Variants in CDS2 observed in about 807,000 individuals in gnomAD.
CDS2 encodes phosphatidate cytidylyltransferase 2.
In CDS2, 47 loss-of-function variants were observed where a neutral mutation model predicts 59.0. The observed-to-expected ratio is 0.80, with a 90% CI of 0.63 to 1.02. CDS2 has a LOEUF of 1.02. Among genes scored for constraint, CDS2 ranks in the 50% least tolerant of loss-of-function variants. CDS2 has a pLI of 0.00. For missense variants in CDS2, 356 were observed against 558.9 expected (o/e 0.64, Z 3.66); for synonymous variants, 207 against 206.4 (o/e 1.00, Z -0.02).
intron 9 of CDS2, 77 bp from the exon 10 acceptor site, chr20:5,186,610 G>A: frequency 1.3e-6 from 2 of 1,529,632 alleles, no homozygotes; most frequent in Non-Finnish European, 1.8e-6. Flanking sequence ...CAGGAACATG[G>A]CCAAACCAGG....
At chr20:5,129,288 A>T (rs115552449) in intron 1 of CDS2, among the ~76,000 whole-genome samples, 2,563 of 151,962 alleles carry the variant, frequency 0.017, 73 homozygotes, top group African/African-American at 0.058. Flanking sequence ...TATTATTATT[A>T]TTTTTTTAGA....
chr20:5,136,309 G>A (rs569387780), intron 1 of CDS2, among the ~76,000 whole-genome samples: 12 of 152,198 alleles, frequency 7.9e-5, no homozygotes, highest in South Asian at 2.1e-4. Flanking sequence ...TTTCTTCTGC[G>A]ATAAAATCCC....
intron 1 of CDS2, among the ~76,000 whole-genome samples, chr20:5,140,153 G>A (rs1207318140): frequency 1.3e-5 from 2 of 152,142 alleles, no homozygotes; most frequent in African/African-American, 4.8e-5. Flanking sequence ...TGTTGATATA[G>A]CATCATTTTT....
chr20:5,132,161 G>A (rs1015998839), intron 1 of CDS2, among the ~76,000 whole-genome samples: 7 of 151,260 alleles, frequency 4.6e-5, no homozygotes, highest in African/African-American at 1.2e-4. Flanking sequence ...GCATTGATGT[G>A]TTCTTGGCTC....
chr20:5,145,946 A>G (rs759040023), intron 1 of CDS2, among the ~76,000 whole-genome samples: 4 of 150,726 alleles, frequency 2.7e-5, no homozygotes, highest in African/African-American at 2.4e-5. Flanking sequence ...ATCTCAGCCT[A>G]TGGAGGATCT....
At chr20:5,134,371 G>A (rs924131898) in intron 1 of CDS2, among the ~76,000 whole-genome samples, 1 of 152,166 alleles carries the variant, frequency 6.6e-6, no homozygotes, top group Non-Finnish European at 1.5e-5. Flanking sequence ...CTGTATTTCT[G>A]AGAGGGGCTG....
In CDS2 at chr20:5,190,223, G is replaced by A. The variant is rs2091103012; in HGVS notation, c.1327G>A (p.Glu443Lys). The change falls in exon 13 of 13, where the codon GAG becomes AAG. Residue 443 changes from glutamate (E) to lysine (K), a missense_variant. This residue lies in a region of CDS2 where 33 missense variants were observed against 27.9 expected (regional missense o/e 1.18). Coordinates refer to ENST00000460006, the MANE Select transcript of CDS2 (RefSeq NM_003818.4). ...IDKGMLTSTT[E>K]DE ...CAAAGGGATGCTGACATCCACCACA[G>A]AGGACGAGTAGGGGCCACCCAGGGC... 9.3e-6 allele frequency: 15 copies of A among 1,613,916 alleles called. No individual in the cohort carries two copies. The highest frequency in any genetic ancestry group is 1.7e-4 in the Middle Eastern group (1 of 6,060).
chr20:5,178,727 C>A, intron 4 of CDS2, 90 bp from the exon 5 acceptor site: 1 of 1,382,160 alleles, frequency 7.2e-7, no homozygotes, highest in Non-Finnish European at 1.0e-6. Flanking sequence ...GGGTATTCTG[C>A]TGCCCTCTGT....
chr20:5,175,786 A>AAAAC (rs375170893), intron 3 of CDS2: 1,990 of 158,950 alleles, frequency 0.013, 47 homozygotes, highest in African/African-American at 0.042. Context: ...ACTCCATCTC[A>AAAAC]AAACAAACAA....
intron 1 of CDS2, among the ~76,000 whole-genome samples, chr20:5,171,175 G>A (rs1490439039): frequency 1.3e-5 from 2 of 152,202 alleles, no homozygotes; most frequent in Non-Finnish European, 2.9e-5. Context: ...CTGGGCTAAC[G>A]GAAGGTCCAG....
chr20:5,178,697 C>T, intron 4 of CDS2, 120 bp from the exon 5 acceptor site: 2 of 949,728 alleles, frequency 2.1e-6, no homozygotes, highest in East Asian at 4.9e-5. Flanking sequence ...GTGAGCTGTC[C>T]CGGGGGACTC....
chr20:5,146,388 G>C (rs531174490), intron 1 of CDS2, among the ~76,000 whole-genome samples: 1 of 152,292 alleles, frequency 6.6e-6, no homozygotes, highest in South Asian at 2.1e-4. Context: ...AGTCAGGAGA[G>C]TTTGGGGTGC....
At chr20:5,171,824 C>T (rs1351108482) in intron 1 of CDS2, among the ~76,000 whole-genome samples, 2 of 152,180 alleles carry the variant, frequency 1.3e-5, no homozygotes, top group Non-Finnish European at 2.9e-5. Context: ...CCACCTGTCT[C>T]GACTGTGGCA....
intron 5 of CDS2, among the ~76,000 whole-genome samples, chr20:5,180,630 G>A (rs1399404221): frequency 2.6e-5 from 4 of 152,088 alleles, no homozygotes; most frequent in Non-Finnish European, 5.9e-5. Context: ...AGGTCTTTAT[G>A]ACCTGTATCT....
chr20:5,131,914 T>C (rs561143102), intron 1 of CDS2, among the ~76,000 whole-genome samples: 78 of 152,380 alleles, frequency 5.1e-4, no homozygotes, highest in African/African-American at 1.6e-3. Context: ...ATGTTAGCTA[T>C]GTTGCTACTG....
Position 5,127,047 on chromosome 20 carries a change from C to T in CDS2, c.-46C>T, listed in dbSNP as rs1568523453. ...GCCCGCGCCGAGCTGCCTGCTCCGGCGGCTTCGCTGCTAGCTCGCGGCGAC... is the reference window on the plus strand; with the variant it reads ...GCCCGCGCCGAGCTGCCTGCTCCGGTGGCTTCGCTGCTAGCTCGCGGCGAC... On this transcript the variant is annotated 5_prime_UTR_variant, in exon 1 of 13. Transcript: ENST00000460006. 2 of 1,476,908 alleles carry T rather than the reference C, an allele frequency of 1.4e-6. No homozygotes were observed. The highest frequency in any genetic ancestry group is 1.8e-6 in the Non-Finnish European group (2 of 1,111,478). The allele number at this position is 1,476,908 out of a possible 1,614,324, so 91.5% of individuals were successfully genotyped here.
chr20:5,142,654 CTG>C (rs1420837941), intron 1 of CDS2, among the ~76,000 whole-genome samples: 1 of 152,076 alleles, frequency 6.6e-6, no homozygotes, highest in African/African-American at 2.4e-5. Flanking sequence ...ATAAAAGAAA[CTG>C]TTGGTAAATT....
intron 1 of CDS2, among the ~76,000 whole-genome samples, chr20:5,145,077 G>A (rs1419388746): frequency 6.6e-6 from 1 of 151,924 alleles, no homozygotes; most frequent in East Asian, 1.9e-4. Flanking sequence ...ACCAAAATAA[G>A]CTTTCCTATT....
chr20:5,167,768 C>T (rs1015212177), intron 1 of CDS2, among the ~76,000 whole-genome samples: 5 of 152,182 alleles, frequency 3.3e-5, no homozygotes, highest in Admixed American at 6.5e-5. Flanking sequence ...CCATGGTATT[C>T]AGCAGAAAAG....
Sources: gnomAD v4.1 joint callset for allele counts (sites outside exome capture counted in the v4.1 genomes callset) on GRCh38, gnomAD v4.1.1 for gene constraint, gnomAD v4.1.1 regional missense constraint, MANE v1.5 for transcripts, NCBI Gene and HGNC (gene_info 2026-07-23, HGNC 2026-07-21) for gene names.